The following MAST4 variants were observed in gnomAD, a reference collection of about 807,000 sequenced individuals.
MAST4 encodes microtubule associated serine/threonine kinase family member 4.
MAST4 carries 89 observed loss-of-function variants against 162.7 expected under a neutral mutation model. That is an observed-to-expected ratio of 0.55 (90% CI 0.46 to 0.65). The LOEUF is 0.65. Among genes scored for constraint, MAST4 ranks in the 30% least tolerant of loss-of-function variants. MAST4 has a pLI of 0.00. For missense variants in MAST4, 3,153 were observed against 3,374.0 expected (o/e 0.93, Z 1.62); for synonymous variants, 1,479 against 1,361.1 (o/e 1.09, Z -1.91).
At chr5:67,056,177 G>A (rs948242533) in intron 5 of MAST4, among the ~76,000 whole-genome samples, 11 of 151,992 alleles carry the variant, frequency 7.2e-5, no homozygotes, top group African/African-American at 2.2e-4. Context: ...GCATGAGAGG[G>A]ATATAATTAG....
At chr5:66,913,273 G>T in intron 4 of MAST4, among the ~76,000 whole-genome samples, 2 of 150,840 alleles carry the variant, frequency 1.3e-5, no homozygotes, top group East Asian at 2.0e-4. Flanking sequence ...CTTTGTCATT[G>T]CTCCCCCACC....
At chr5:66,828,736 G>A (rs990418862) in intron 3 of MAST4, 31 of 1,502,426 alleles carry the variant, frequency 2.1e-5, no homozygotes, top group Non-Finnish European at 2.5e-5. Flanking sequence ...CAGCTAGAGC[G>A]TGATGTAAGT....
chr5:66,738,158 T>C (rs1308389647), intron 1 of MAST4: 2 of 152,222 alleles, frequency 1.3e-5, no homozygotes, highest in African/African-American at 4.8e-5. Flanking sequence ...TTTATATCCA[T>C]TGTGAGTAGA....
intron 1 of MAST4, among the ~76,000 whole-genome samples, chr5:66,667,047 C>T (rs549441667): frequency 1.4e-4 from 22 of 152,206 alleles, no homozygotes; most frequent in South Asian, 1.0e-3. Flanking sequence ...AGGAAAGAGG[C>T]GAACATCATG....
intron 3 of MAST4, among the ~76,000 whole-genome samples, chr5:66,836,951 CAAATA>C (rs1358365617): frequency 6.6e-6 from 1 of 151,354 alleles, no homozygotes; most frequent in African/African-American, 2.4e-5. Flanking sequence ...GTTAAAAAAG[CAAATA>C]AAATGTGCAT....
At chr5:67,150,073 A>G (rs1486289701) in intron 24 of MAST4, among the ~76,000 whole-genome samples, 1 of 152,232 alleles carries the variant, frequency 6.6e-6, no homozygotes, top group Non-Finnish European at 1.5e-5. Flanking sequence ...CACAGACAGC[A>G]TTGAAATTCT....
At chr5:67,048,829 G>A (rs1474234972) in intron 4 of MAST4, among the ~76,000 whole-genome samples, 3 of 150,958 alleles carry the variant, frequency 2.0e-5, no homozygotes, top group Admixed American at 6.6e-5. Flanking sequence ...CCCAGGGATC[G>A]TCTGCTATAC....
At chr5:67,152,333 GGT>G (rs1771932930) in intron 24 of MAST4, among the ~76,000 whole-genome samples, 1 of 152,058 alleles carries the variant, frequency 6.6e-6, no homozygotes, top group Admixed American at 6.5e-5. Context: ...TAATCCTTGT[GGT>G]GTCTTTTAAT....
intron 3 of MAST4, chr5:66,789,658 C>T (rs1755292151): frequency 1.6e-5 from 8 of 509,462 alleles, no homozygotes; most frequent in South Asian, 7.2e-5. Context: ...GGAGGCCCAT[C>T]ACATCCATCT....
chr5:66,635,986 T>G (rs1745096419), intron 1 of MAST4, among the ~76,000 whole-genome samples: 1 of 115,290 alleles, frequency 8.7e-6, no homozygotes, highest in African/African-American at 3.4e-5. Flanking sequence ...CGAGACAGAG[T>G]CTTGCTCTGT....
In MAST4 at chr5:67,130,248, G is replaced by A; in HGVS notation, c.1784G>A (p.Arg595Lys). ...YFVRHKESRQ[R>K]FAMKKINKQN... ...GTTCGGCATAAAGAATCCCGGCAGA[G>A]GTTTGCCATGAAGAAGATTAATAAA... is the stretch of plus-strand genomic sequence containing the variant. Residue 595 changes from arginine (R) to lysine (K), a missense_variant, in exon 15 of 29, where the codon AGG (arginine) becomes AAG (lysine). Physicochemically the swap from Arg to Lys is conservative, Grantham distance 26 (BLOSUM62 2). Around this residue, in one of 7 missense-constraint regions of MAST4, gnomAD observed 360 missense variants for 450.0 expected, o/e 0.80. Transcript: ENST00000403625. 1 of 1,613,594 alleles carries A rather than the reference G, an allele frequency of 6.2e-7. No homozygotes were observed. Among genetic ancestry groups the A allele is most frequent in the Non-Finnish European group, 8.5e-7 (1 of 1,179,704 alleles).
intron 4 of MAST4, among the ~76,000 whole-genome samples, chr5:66,929,104 C>A (rs996729500): frequency 6.6e-6 from 1 of 152,110 alleles, no homozygotes; most frequent in African/African-American, 2.4e-5. Flanking sequence ...AGCTAGAAAC[C>A]CTGGAATGAC....
chr5:66,759,794 A>G lies in MAST4; in HGVS notation c.449A>G (p.Lys150Arg). 6.2e-7 allele frequency: 1 copy of G among 1,613,964 alleles called. No homozygotes were observed. The change falls in exon 2 of 29, where the codon AAG becomes AGG. Residue 150 changes from lysine to arginine, a missense_variant. Physicochemically the swap from Lys to Arg is conservative, Grantham distance 26. Coordinates refer to ENST00000403625, the MANE Select transcript of MAST4 (RefSeq NM_001164664.2). The stretch of plus-strand genomic sequence containing the variant: ...GCTTCTGGCCCTGGAAAATCACTGA[A>G]GTATAAAAGACAGCTGAGTGAGGAT... ...DVASGPGKSL[K>R]YKRQLSEDGR...
chr5:67,024,310 G>T (rs1052336257), intron 4 of MAST4, among the ~76,000 whole-genome samples: 1 of 140,834 alleles, frequency 7.1e-6, no homozygotes, highest in African/African-American at 2.8e-5. Flanking sequence ...AAACAAGGAA[G>T]ATATATATAT....
intron 3 of MAST4, among the ~76,000 whole-genome samples, chr5:66,855,306 A>G (rs954478731): frequency 2.4e-4 from 36 of 151,870 alleles, no homozygotes; most frequent in African/African-American, 8.5e-4. Context: ...CTCCTCCTTC[A>G]CCTTCCGCTA....
chr5:66,720,175 A>ATT (rs5868462), intron 1 of MAST4, among the ~76,000 whole-genome samples: 1 of 151,806 alleles, frequency 6.6e-6, no homozygotes, highest in Admixed American at 6.6e-5. Context: ...AGGAATGATA[A>ATT]TTTTTTTAAA....
intron 3 of MAST4, among the ~76,000 whole-genome samples, chr5:66,897,116 A>G (rs1580801116): frequency 6.7e-6 from 1 of 148,610 alleles, no homozygotes; most frequent in Non-Finnish European, 1.5e-5. Flanking sequence ...TCCAGTGTCA[A>G]CAATTAGCAT....
chr5:67,109,585 G>A (rs1454595340), intron 10 of MAST4, among the ~76,000 whole-genome samples: 1 of 152,046 alleles, frequency 6.6e-6, no homozygotes, highest in African/African-American at 2.4e-5. Context: ...CTTGAAAAAA[G>A]CATTGCACAC....
chr5:66,690,339 G>A (rs1191025733), intron 1 of MAST4, among the ~76,000 whole-genome samples: 1 of 152,124 alleles, frequency 6.6e-6, no homozygotes, highest in Non-Finnish European at 1.5e-5. Context: ...CTAAAATCTG[G>A]GAAGGGGATT....
Sources: allele counts gnomAD v4.1 joint callset (sites outside exome capture counted in the v4.1 genomes callset), GRCh38; gene constraint gnomAD v4.1.1; regional missense constraint gnomAD v4.1.1; transcripts MANE v1.5; gene names NCBI Gene and HGNC (gene_info 2026-07-23, HGNC 2026-07-21).